Variants in DISC1 observed in about 807,000 individuals in gnomAD.
The protein encoded by DISC1 is disrupted in schizophrenia 1 protein.
Under a neutral mutation model 84.5 loss-of-function variants are expected in DISC1, and 57 were observed. The observed-to-expected ratio is 0.67, with a 90% CI of 0.55 to 0.84. DISC1 has a LOEUF of 0.84. Among genes scored for constraint, DISC1 ranks in the 40% least tolerant of loss-of-function variants. The probability of loss-of-function intolerance (pLI) is 0.00; values close to 1 mark genes in which losing one functional copy is unlikely to be tolerated. For synonymous variants in DISC1, 411 were observed against 415.2 expected (o/e 0.99, Z 0.12); for missense variants, 1,000 against 1,057.8 (o/e 0.95, Z 0.76).
At chr1:231,870,184 G>A (rs199808989) in intron 9 of DISC1, among the ~76,000 whole-genome samples, 77 of 152,276 alleles carry the variant, frequency 5.1e-4, no homozygotes, top group Non-Finnish European at 6.3e-4. Flanking sequence ...GGAAGCTCCT[G>A]ATATGGGAAC....
At chr1:231,945,509 A>G (rs981944864) in intron 9 of DISC1, among the ~76,000 whole-genome samples, 6 of 152,244 alleles carry the variant, frequency 3.9e-5, no homozygotes, top group African/African-American at 1.2e-4. Flanking sequence ...AGGAGAAAGC[A>G]GGAGAGATCT....
In DISC1 at chr1:231,948,311, T is replaced by C. The variant is rs191229754; in HGVS notation, c.1982-10517T>C. 1.8e-3 allele frequency among the ~76,000 whole-genome samples: 267 copies of C among 152,200 alleles called. 1 individual carries two copies. Among genetic ancestry groups the C allele is most frequent in the Non-Finnish European group, 2.3e-3 (158 of 67,998 alleles). ...TAAGTTCATGTCCTTTGCAGGGAGA[T>C]GGATGAAGCTCGAAACCACCATTCT... On this transcript the variant is annotated intron_variant, in intron 9 of 12. Transcript: ENST00000439617.
intron 9 of DISC1, among the ~76,000 whole-genome samples, chr1:231,912,592 C>T (rs2089296155): frequency 1.3e-5 from 2 of 152,188 alleles, no homozygotes. Flanking sequence ...TCTGCCCCTA[C>T]TGGGAGGTGC....
At chr1:231,866,108 C>T (rs1319354590) in intron 9 of DISC1, among the ~76,000 whole-genome samples, 1 of 152,044 alleles carries the variant, frequency 6.6e-6, no homozygotes, top group Non-Finnish European at 1.5e-5. Flanking sequence ...GTGTGTGTGG[C>T]TCAGTGCCTT....
intron 1 of DISC1, among the ~76,000 whole-genome samples, chr1:231,670,126 G>A (rs913336244): frequency 3.9e-5 from 6 of 152,174 alleles, no homozygotes; most frequent in South Asian, 2.1e-4. Flanking sequence ...ACCAAACACC[G>A]CATGTTCTCA....
chr1:231,934,618 A>G (rs1266114251), intron 9 of DISC1, among the ~76,000 whole-genome samples: 1 of 152,238 alleles, frequency 6.6e-6, no homozygotes, highest in Admixed American at 6.5e-5. Context: ...AAGATATGTA[A>G]CGTATATATT....
chr1:231,731,252 A>G (rs568394163), intron 3 of DISC1, among the ~76,000 whole-genome samples: 1 of 152,382 alleles, frequency 6.6e-6, no homozygotes, highest in Admixed American at 6.5e-5. Flanking sequence ...CAAGGGAAAG[A>G]TGGTGGTAGA....
chr1:231,950,385 C>G, intron 9 of DISC1, among the ~76,000 whole-genome samples: 1 of 152,134 alleles, frequency 6.6e-6, no homozygotes, highest in Non-Finnish European at 1.5e-5. Flanking sequence ...ATCTCCAGGT[C>G]ACAACTCTTT....
intron 9 of DISC1, among the ~76,000 whole-genome samples, chr1:231,947,197 C>G (rs1003855536): frequency 6.6e-6 from 1 of 151,168 alleles, no homozygotes; most frequent in African/African-American, 2.4e-5. Flanking sequence ...CGCTACTTGA[C>G]TTCAAACTAT....
chr1:231,894,544 C>T (rs1558701842), intron 9 of DISC1, among the ~76,000 whole-genome samples: 1 of 151,940 alleles, frequency 6.6e-6, no homozygotes, highest in Non-Finnish European at 1.5e-5. Flanking sequence ...TTCTTTCCTA[C>T]TCCCAGGATC....
intron 3 of DISC1, among the ~76,000 whole-genome samples, chr1:231,710,682 G>C (rs1196861360): frequency 6.6e-6 from 1 of 152,094 alleles, no homozygotes; most frequent in Non-Finnish European, 1.5e-5. Flanking sequence ...TTTTCTCCTT[G>C]TGTCTTCACA....
At chr1:231,898,903 A>G (rs534121399) in intron 9 of DISC1, among the ~76,000 whole-genome samples, 1 of 152,278 alleles carries the variant, frequency 6.6e-6, no homozygotes, top group African/African-American at 2.4e-5. Flanking sequence ...AGTGCACTCC[A>G]GCCTGGGTGA....
intron 9 of DISC1, among the ~76,000 whole-genome samples, chr1:231,955,155 T>A (rs1328225067): frequency 1.3e-5 from 2 of 152,230 alleles, no homozygotes; most frequent in Non-Finnish European, 2.9e-5. Context: ...GGATAGAAGG[T>A]GCTATCACAA....
chr1:232,034,322 A>G (rs1237290636), intron 12 of DISC1, among the ~76,000 whole-genome samples: 2 of 152,196 alleles, frequency 1.3e-5, no homozygotes, highest in Non-Finnish European at 2.9e-5. Flanking sequence ...ATTTCTTTGA[A>G]CCCTAACCCT....
At chr1:231,921,554 T>A (rs1381988241) in intron 9 of DISC1, among the ~76,000 whole-genome samples, 1 of 29,408 alleles carries the variant, frequency 3.4e-5, no homozygotes. Flanking sequence ...ATATTTATAA[T>A]ATGTGAAATG....
At chr1:231,858,036 G>A (rs950426488) in intron 9 of DISC1, among the ~76,000 whole-genome samples, 28 of 152,198 alleles carry the variant, frequency 1.8e-4, no homozygotes, top group African/African-American at 6.5e-4. Context: ...GGCTTGCCGG[G>A]CTAAACACAA....
At chr1:231,947,258 T>A (rs561338125) in intron 9 of DISC1, among the ~76,000 whole-genome samples, 2 of 148,184 alleles carry the variant, frequency 1.3e-5, no homozygotes, top group East Asian at 3.9e-4. Flanking sequence ...CCAAAACAGA[T>A]ATATAGACCA....
chr1:231,925,666 A>G (rs1395680896), intron 9 of DISC1, among the ~76,000 whole-genome samples: 1 of 152,214 alleles, frequency 6.6e-6, no homozygotes, highest in Non-Finnish European at 1.5e-5. Flanking sequence ...GGATCTTGAG[A>G]TAAGATCATC....
chr1:231,924,769 G>A (rs959212536), intron 9 of DISC1, among the ~76,000 whole-genome samples: 2 of 151,224 alleles, frequency 1.3e-5, no homozygotes, highest in African/African-American at 4.9e-5. Flanking sequence ...CCATTCTCCT[G>A]CCTCAGCCTC....
Sources: gnomAD v4.1 joint callset for allele counts (sites outside exome capture counted in the v4.1 genomes callset) on GRCh38, gnomAD v4.1.1 for gene constraint, MANE v1.5 for transcripts, NCBI Gene and HGNC (gene_info 2026-07-23, HGNC 2026-07-21) for gene names.